TRNT1: variants seen among roughly 807,000 people sequenced by gnomAD.
TRNT1 encodes CCA tRNA nucleotidyltransferase 1, mitochondrial.
Under a neutral mutation model 45.6 loss-of-function variants are expected in TRNT1, and 44 were observed. That is an observed-to-expected ratio of 0.97 (90% CI 0.76 to 1.24). TRNT1 has a LOEUF of 1.24. Among genes scored for constraint, TRNT1 ranks in the 50% most tolerant of loss-of-function variants. The pLI is 0.00. For missense variants in TRNT1, 633 were observed against 504.4 expected (o/e 1.25, Z -2.44); for synonymous variants, 201 against 171.4 (o/e 1.17, Z -1.35).
intron 4 of TRNT1, among the ~76,000 whole-genome samples, chr3:3,143,495 G>C (rs1203903330): frequency 6.6e-6 from 1 of 152,168 alleles, no homozygotes; most frequent in Non-Finnish European, 1.5e-5. Flanking sequence ...GATCTGTAAT[G>C]AACAGGACTG....
chr3:3,131,144 A>C (rs188169562), intron 2 of TRNT1: 2 of 152,124 alleles, frequency 1.3e-5, no homozygotes, highest in African/African-American at 2.4e-5. Context: ...TCTGGCATGC[A>C]TTTAATACAG....
At chr3:3,144,079 G>A (rs1266322974) in intron 4 of TRNT1, among the ~76,000 whole-genome samples, 1 of 152,046 alleles carries the variant, frequency 6.6e-6, no homozygotes, top group Non-Finnish European at 1.5e-5. Flanking sequence ...TGCCATACAG[G>A]CATATTTCAT....
At chr3:3,152,482 A>G (rs926054619), downstream of TRNT1, 1 of 1,614,068 alleles carries the variant, frequency 6.2e-7, no homozygotes. Flanking sequence ...GTTCTGTAGA[A>G]GGCCGGCCTA....
downstream of TRNT1, chr3:3,149,288 T>G (rs1427346114): frequency 6.6e-6 from 1 of 152,080 alleles, no homozygotes; most frequent in African/African-American, 2.4e-5. Flanking sequence ...CTTAAAATAT[T>G]TAAGTACTGC....
At chr3:3,150,587 C>T (rs1220907511), downstream of TRNT1, 3 of 301,096 alleles carry the variant, frequency 1.0e-5, no homozygotes, top group African/African-American at 6.6e-5. Context: ...CCATCAATGA[C>T]ATGCTACCAG....
chr3:3,140,780 T>G, intron 4 of TRNT1, 132 bp downstream of exon 4: 1 of 1,206,062 alleles, frequency 8.3e-7, no homozygotes, highest in Non-Finnish European at 1.2e-6. Flanking sequence ...TTTAGCAGAT[T>G]GCTTCAAAGA....
chr3:3,147,448 AG>A lies in TRNT1; in HGVS notation c.803del, dbSNP rs1706119676. On this transcript the variant is annotated splice_acceptor_variant, in intron 6 of 7. Transcript: ENST00000251607. LOFTEE classifies it high-confidence loss of function. The stretch of plus-strand genomic sequence containing the variant: ...AGGTGAAAAATGCTTTTGTCCCTAC[AG>A]GTTTACCTGCTAATGCAAGTTTAGA... The A allele has an allele frequency of 1.2e-6, 2 of 1,612,664 alleles. No individual in the cohort carries two copies. Among genetic ancestry groups the A allele is most frequent in the Admixed American group, 1.7e-5 (1 of 59,920 alleles).
At chr3:3,150,939 G>A (rs121918368), downstream of TRNT1, 8 of 1,613,808 alleles carry the variant, frequency 5.0e-6, no homozygotes, top group Non-Finnish European at 5.9e-6. Context: ...AGAGCAGATC[G>A]CGTTAAGCCC....
At chr3:3,151,177 A>G (rs1706516673), downstream of TRNT1, 2 of 934,598 alleles carry the variant, frequency 2.1e-6, no homozygotes, top group Admixed American at 2.6e-5. Flanking sequence ...GATTTGATCC[A>G]TACAGTTCCC....
downstream of TRNT1, chr3:3,150,845 T>TAAC (rs397828468): frequency 8.1e-6 from 13 of 1,607,838 alleles, no homozygotes; most frequent in African/African-American, 1.3e-5. Context: ...GTTAGATAAC[T>TAAC]TTATCTCTAT....
downstream of TRNT1, among the ~76,000 whole-genome samples, chr3:3,151,868 A>T (rs1467607452): frequency 6.6e-6 from 1 of 152,234 alleles, no homozygotes; most frequent in African/African-American, 2.4e-5. Flanking sequence ...GCAGGATTCA[A>T]TGGGTTCTGC....
At chr3:3,152,927 G>C, downstream of TRNT1, 1 of 340,456 alleles carries the variant, frequency 2.9e-6, no homozygotes, top group Non-Finnish European at 5.5e-6. Context: ...AAGGTCCTGT[G>C]TGGTCATTTT....
Position 3,147,681 on chromosome 3 carries a change from C to G in TRNT1, c.1034C>G (p.Pro345Arg). The G allele has an allele frequency of 1.2e-6, 2 of 1,612,248 alleles. No homozygotes were observed. The highest frequency in any genetic ancestry group is 4.5e-5 in the East Asian group (2 of 44,812). The part of the protein sequence containing the change: ...KATDSSDPLK[P>R]YQDFIIDSRE... ...ACAGATAGTTCAGACCCATTGAAACCCTATCAAGACTTCATTATAGATGTA... is the reference window on the plus strand; with the variant it reads ...ACAGATAGTTCAGACCCATTGAAACGCTATCAAGACTTCATTATAGATGTA... Residue 345 changes from proline (P) to arginine (R), a missense_variant, in exon 7 of 8, where the codon CCC becomes CGC. Transcript: ENST00000251607.
Position 3,137,413 on chromosome 3 carries a change from TAAAC to T in TRNT1, c.305_308del (p.Asn102ThrfsTer36). 1.2e-6 allele frequency: 2 copies of T among 1,613,544 alleles called. No homozygotes were observed. The highest frequency in any genetic ancestry group is 1.7e-5 in the Admixed American group (1 of 59,954). The stretch of plus-strand genomic sequence containing the variant: ...TTTCAGTCGGCTGGGATTCGGATGA[TAAAC>T]AACAGAGGAGAAAAGCACGGAACAA... On this transcript the variant is annotated frameshift_variant, in exon 3 of 8. Transcript: ENST00000251607. LOFTEE classifies it high-confidence loss of function.
chr3:3,142,287 C>T (rs1705699314), intron 4 of TRNT1, among the ~76,000 whole-genome samples: 1 of 152,178 alleles, frequency 6.6e-6, no homozygotes, highest in Non-Finnish European at 1.5e-5. Context: ...CATTTTCTGA[C>T]ATTTACTGAA....
chr3:3,150,796 C>T (rs1559237887), downstream of TRNT1: 1 of 1,448,946 alleles, frequency 6.9e-7, no homozygotes, highest in Non-Finnish European at 9.5e-7. Flanking sequence ...GTATCAGAGG[C>T]AATAATTTCC....
chr3:3,138,894 T>C (rs1333501552), intron 3 of TRNT1, among the ~76,000 whole-genome samples: 1 of 152,214 alleles, frequency 6.6e-6, no homozygotes, highest in African/African-American at 2.4e-5. Context: ...GGTGATGCTC[T>C]GTATCTGAGG....
At chr3:3,151,150 TAGAG>T, downstream of TRNT1, 1 of 1,186,204 alleles carries the variant, frequency 8.4e-7, no homozygotes. Flanking sequence ...TTCTAAGGAT[TAGAG>T]ATTCTAAGTT....
At chr3:3,127,358 A>C (rs1406201943) in intron 1 of TRNT1, 1 of 152,176 alleles carries the variant, frequency 6.6e-6, no homozygotes, top group Non-Finnish European at 1.5e-5. Context: ...AGGTGCGAGG[A>C]AACTGAGTGG....
Sources: gnomAD v4.1 joint callset for allele counts (sites outside exome capture counted in the v4.1 genomes callset) on GRCh38, gnomAD v4.1.1 for gene constraint, MANE v1.5 for transcripts, NCBI Gene and HGNC (gene_info 2026-07-23, HGNC 2026-07-21) for gene names.